The following C1orf54 variants were observed in gnomAD, a reference collection of about 807,000 sequenced individuals.
The protein encoded by C1orf54 is chromosome 1 open reading frame 54.
Under a neutral mutation model 14.7 loss-of-function variants are expected in C1orf54, and 12 were observed. That is an observed-to-expected ratio of 0.82 (90% CI 0.52 to 1.32). The LOEUF (loss-of-function observed/expected upper bound fraction) is 1.32. C1orf54 is among the 40% of genes most tolerant of loss of function. The pLI is 0.00. For synonymous variants in C1orf54, 65 were observed against 56.3 expected (o/e 1.16, Z -0.70); for missense variants, 163 against 162.2 (o/e 1.00, Z -0.03).
At chr1:150,280,798 G>T in intron 5 of C1orf54, 37 bp from the exon 6 acceptor site, 1 of 1,528,194 alleles carries the variant, frequency 6.5e-7, no homozygotes, top group Non-Finnish European at 8.9e-7. Flanking sequence ...CGGGTCTCCT[G>T]ACTCCTTTTA....
intron 1 of C1orf54, among the ~76,000 whole-genome samples, chr1:150,273,515 T>C (rs183947285): frequency 6.6e-6 from 1 of 152,338 alleles, no homozygotes; most frequent in Admixed American, 6.5e-5. Context: ...CCACATATTT[T>C]TAGTTCTGAA....
At chr1:150,276,471 T>G (rs1312061892) in intron 3 of C1orf54, 51 bp from the exon 4 acceptor site, 2 of 1,438,984 alleles carry the variant, frequency 1.4e-6, no homozygotes, top group East Asian at 4.5e-5. Context: ...TATGAAGATG[T>G]TGGATGGAAA....
chr1:150,273,834 GT>G (rs1346102478), intron 1 of C1orf54, among the ~76,000 whole-genome samples: 1 of 152,136 alleles, frequency 6.6e-6, no homozygotes, highest in Non-Finnish European at 1.5e-5. Context: ...GAAGGGGACT[GT>G]TTTCTGTTTT....
intron 4 of C1orf54, among the ~76,000 whole-genome samples, chr1:150,277,917 G>C (rs1235999979): frequency 2.0e-5 from 3 of 152,168 alleles, no homozygotes; most frequent in Non-Finnish European, 4.4e-5. Flanking sequence ...GACCAACATG[G>C]AGAAACCCTG....
At chr1:150,268,775 G>A (rs200745916), upstream of C1orf54, 2 of 1,613,790 alleles carry the variant, frequency 1.2e-6, no homozygotes, top group Admixed American at 1.7e-5. Flanking sequence ...GGCCGAACGC[G>A]ACGAAAGTGC....
intron 5 of C1orf54, 134 bp downstream of exon 5, chr1:150,279,875 A>G: frequency 2.5e-6 from 2 of 788,998 alleles, no homozygotes; most frequent in Non-Finnish European, 2.0e-6. Flanking sequence ...CCACTGAAGG[A>G]AGAGATTTAG....
chr1:150,276,744 G>A, intron 4 of C1orf54, 112 bp downstream of exon 4: 1 of 788,890 alleles, frequency 1.3e-6, no homozygotes, highest in South Asian at 1.5e-5. Context: ...CAAATAATTA[G>A]TACTTCATTG....
chr1:150,275,766 T>A lies in C1orf54; in HGVS notation c.156T>A (p.Ile52=). 1 of 1,612,670 alleles carries A rather than the reference T, an allele frequency of 6.2e-7. No homozygotes were observed. Among genetic ancestry groups the A allele is most frequent in the South Asian group, 1.1e-5 (1 of 91,044 alleles). Residue 52 remains isoleucine, a synonymous_variant, in exon 3 of 6, where the codon ATT becomes ATA. Transcript: ENST00000369099. The stretch of plus-strand genomic sequence containing the variant: ...ATGACTTTAGTGCAGATTTCACCAT[T>A]GATTACTCCATATTTGAGTCAGAGG... ...SYDDFSADFT[I]DYSIFESEDR... is the part of the protein sequence containing the mutation.
chr1:150,270,645 A>C (rs1337753592), upstream of C1orf54, among the ~76,000 whole-genome samples: 2 of 151,542 alleles, frequency 1.3e-5, no homozygotes, highest in African/African-American at 4.9e-5. Flanking sequence ...TCTGTCTCTG[A>C]AAAAAAAGAA....
intron 4 of C1orf54, among the ~76,000 whole-genome samples, chr1:150,277,056 AAGAAGAGAGATTAGTAC>A (rs1382265450): frequency 6.6e-6 from 1 of 152,240 alleles, no homozygotes; most frequent in Non-Finnish European, 1.5e-5. Flanking sequence ...TAGCCAATGT[AAGAAGAGAGATTAGTAC>A]AGGCTAGAGT....
chr1:150,272,942 G>T (rs1178223305), intron 1 of C1orf54, 79 bp downstream of exon 1: 5 of 1,479,766 alleles, frequency 3.4e-6, no homozygotes, highest in Non-Finnish European at 4.7e-6. Context: ...ATGAGGAGTG[G>T]GTGAGAGGTA....
chr1:150,272,933 TGAG>T (rs1553851577), intron 1 of C1orf54, 70 bp downstream of exon 1: 2 of 1,528,908 alleles, frequency 1.3e-6, no homozygotes, highest in East Asian at 2.2e-5. Flanking sequence ...AGAAAAAAAA[TGAG>T]GAGTGGGTGA....
chr1:150,273,978 AAAAG>A (rs1652422225), intron 1 of C1orf54, 105 bp from the exon 2 acceptor site: 3 of 722,018 alleles, frequency 4.2e-6, no homozygotes, highest in East Asian at 5.0e-5. Flanking sequence ...AGAGAGAGAG[AAAAG>A]AAAGAAAGAG....
chr1:150,275,802 G>C lies in C1orf54; in HGVS notation c.189+3G>C. ...TATTTGAGTCAGAGGACAGGCTGGT[G>C]AGTGAACTCTACATCTAAAAGGGTT... On this transcript the variant is annotated splice_donor_region_variant and intron_variant, in intron 3 of 5. Coordinates refer to ENST00000369099, the MANE Select transcript of C1orf54 (RefSeq NM_024579.4). 6.2e-7 allele frequency: 1 copy of C among 1,607,990 alleles called. No individual in the cohort carries two copies. Among genetic ancestry groups the C allele is most frequent in the Non-Finnish European group, 8.5e-7 (1 of 1,174,640 alleles).
upstream of C1orf54, among the ~76,000 whole-genome samples, chr1:150,272,015 C>T (rs1025300251): frequency 2.0e-5 from 3 of 152,158 alleles, no homozygotes; most frequent in African/African-American, 7.2e-5. Flanking sequence ...TGGCACGCGC[C>T]TGTAGTCCCA....
At chr1:150,270,391 C>T (rs149479316), upstream of C1orf54, among the ~76,000 whole-genome samples, 278 of 152,264 alleles carry the variant, frequency 1.8e-3, 5 homozygotes, top group East Asian at 0.037. Context: ...CCTGTAATCC[C>T]AGCACTTTCG....
At chr1:150,273,219 G>C (rs1553851664) in intron 1 of C1orf54, among the ~76,000 whole-genome samples, 1 of 152,124 alleles carries the variant, frequency 6.6e-6, no homozygotes, top group Non-Finnish European at 1.5e-5. Context: ...TAGTAGTTAG[G>C]GTATCTCCTT....
chr1:150,274,245 C>A (rs1652447650), intron 2 of C1orf54, 75 bp downstream of exon 2: 1 of 1,167,900 alleles, frequency 8.6e-7, no homozygotes, highest in Non-Finnish European at 1.3e-6. Context: ...AGACTTTGCT[C>A]TTCACTTTGA....
At chr1:150,268,867 G>T, upstream of C1orf54, 1 of 1,504,332 alleles carries the variant, frequency 6.6e-7, no homozygotes, top group Non-Finnish European at 9.1e-7. Context: ...AATGGGAGGG[G>T]CGCGCCAGCT....
Sources: gnomAD v4.1 joint callset for allele counts (sites outside exome capture counted in the v4.1 genomes callset) on GRCh38, gnomAD v4.1.1 for gene constraint, MANE v1.5 for transcripts, NCBI Gene and HGNC (gene_info 2026-07-23, HGNC 2026-07-21) for gene names.